CARS2: variants seen among roughly 807,000 people sequenced by gnomAD.
CARS2 encodes probable cysteine--tRNA ligase, mitochondrial.
In CARS2, 52 loss-of-function variants were observed where a neutral mutation model predicts 68.8. The ratio of observed to expected loss-of-function variants is 0.76; its 90% CI spans 0.61 to 0.95. The LOEUF (loss-of-function observed/expected upper bound fraction) is 0.95. Ranked by LOEUF, CARS2 falls within the 40% of genes least tolerant of loss-of-function variation. CARS2 has a pLI of 0.00. For synonymous variants in CARS2, 314 were observed against 303.6 expected (o/e 1.03, Z -0.36); for missense variants, 780 against 754.2 (o/e 1.03, Z -0.40).
At chr13:110,644,700 C>T (rs1234426182) in intron 12 of CARS2, 2 of 738,780 alleles carry the variant, frequency 2.7e-6, no homozygotes, top group East Asian at 6.3e-5. Flanking sequence ...TCAGTTTACC[C>T]ATCAGTCATG....
intron 2 of CARS2, among the ~76,000 whole-genome samples, chr13:110,701,913 G>A (rs2063798293): frequency 1.3e-5 from 2 of 152,156 alleles, no homozygotes; most frequent in South Asian, 4.1e-4. Flanking sequence ...TCATGTTCTA[G>A]AGTAATTCTA....
intron 6 of CARS2, among the ~76,000 whole-genome samples, chr13:110,679,567 A>AGAGAAAGAAAGAAAGAAAGAG (rs2063079162): frequency 6.5e-5 from 6 of 92,932 alleles, no homozygotes; most frequent in Admixed American, 1.4e-4. Flanking sequence ...GAAAGAAAGA[A>AGAGAAAGAAAGAAAGAAAGAG]AGAGAGAGAA....
intron 1 of CARS2, chr13:110,712,538 G>T (rs2064041791): frequency 3.2e-6 from 1 of 313,434 alleles, no homozygotes; most frequent in African/African-American, 2.2e-5. Context: ...GAAGGGGGGG[G>T]GCCGGCGCGC....
upstream of CARS2, chr13:110,707,781 T>C (rs1480851232): frequency 6.6e-6 from 1 of 152,222 alleles, no homozygotes; most frequent in Non-Finnish European, 1.5e-5. Flanking sequence ...TAGTTTGCTT[T>C]GGTGTTTTAT....
chr13:110,644,539 A>G, intron 12 of CARS2, 56 bp from the exon 13 acceptor site: 1 of 1,603,098 alleles, frequency 6.2e-7, no homozygotes, highest in Non-Finnish European at 8.5e-7. Flanking sequence ...GGCAGTGGGC[A>G]AACGGAATTC....
intron 3 of CARS2, chr13:110,697,999 A>G: frequency 2.2e-6 from 1 of 455,524 alleles, no homozygotes; most frequent in South Asian, 1.6e-5. Flanking sequence ...CTGTTCACTC[A>G]ACAAATGACA....
rs775669344 is a variant in CARS2 at position 110,680,157 on chromosome 13, G to T, written c.655+2894C>A. ...TACTTTGGGAGGCCGAGGGGGGGGGGGGGGGGGGTGGATCACCTGAGGTCA... is the reference window on the plus strand; with the variant it reads ...TACTTTGGGAGGCCGAGGGGGGGGGTGGGGGGGGTGGATCACCTGAGGTCA... On this transcript the variant is annotated intron_variant, in intron 6 of 14. Transcript: ENST00000257347. Among the ~76,000 whole-genome samples the T allele has an allele frequency of 4.5e-4, 68 of 150,658 alleles. 3 individuals carry two copies. The highest frequency in any genetic ancestry group is 1.3e-3 in the African/African-American group (53 of 40,918).
At chr13:110,699,543 A>G (rs2063722399) in intron 3 of CARS2, among the ~76,000 whole-genome samples, 1 of 152,238 alleles carries the variant, frequency 6.6e-6, no homozygotes, top group Non-Finnish European at 1.5e-5. Context: ...TTCCTTCATC[A>G]GATTCAGGAA....
At chr13:110,710,189 T>G (rs1005330336), upstream of CARS2, among the ~76,000 whole-genome samples, 2 of 152,134 alleles carry the variant, frequency 1.3e-5, no homozygotes, top group Non-Finnish European at 2.9e-5. Flanking sequence ...GAGACCAGCC[T>G]GGGCCAACAT....
chr13:110,673,973 G>T (rs1211208320), intron 7 of CARS2, among the ~76,000 whole-genome samples: 1 of 152,108 alleles, frequency 6.6e-6, no homozygotes, highest in East Asian at 1.9e-4. Context: ...GCTTCAAAGA[G>T]AATAAAATAC....
chr13:110,688,399 T>C (rs1215678552), intron 3 of CARS2, among the ~76,000 whole-genome samples: 2 of 152,140 alleles, frequency 1.3e-5, no homozygotes, highest in African/African-American at 2.4e-5. Context: ...CGAACAGCCA[T>C]GATCGTGCCA....
Position 110,668,839 on chromosome 13 carries a change from T to C in CARS2, c.786-1366A>G, listed in dbSNP as rs1323025501. ...AGAGAAGGCTCAGAAGGAACAACAA[T>C]AATGGTCTCTTCATTATTTAATCTT... On this transcript the variant is annotated intron_variant, in intron 7 of 14. Transcript: ENST00000257347. This position sits in a 1 kb window ranked among gnomAD's most constrained non-coding sequence, Gnocchi z 4.1. Among the ~76,000 whole-genome samples, 1 of 152,230 alleles carries C rather than the reference T, an allele frequency of 6.6e-6. No homozygotes were observed. Among genetic ancestry groups the C allele is most frequent in the East Asian group, 1.9e-4 (1 of 5,204 alleles).
chr13:110,672,357 C>T (rs1186883164), intron 7 of CARS2, among the ~76,000 whole-genome samples: 3 of 152,182 alleles, frequency 2.0e-5, no homozygotes, highest in African/African-American at 4.8e-5. Context: ...GAAATTGTAA[C>T]AAACTGTCTC....
At chr13:110,647,036 C>T in intron 11 of CARS2, 65 bp downstream of exon 11, 1 of 1,481,732 alleles carries the variant, frequency 6.7e-7, no homozygotes. Flanking sequence ...CCTTCAAGAG[C>T]CCACCAGCAG....
upstream of CARS2, among the ~76,000 whole-genome samples, chr13:110,706,841 A>G (rs2063971530): frequency 2.1e-5 from 3 of 143,276 alleles, no homozygotes; most frequent in African/African-American, 7.7e-5. Flanking sequence ...CTGCACCCCA[A>G]TAGTGTGCAC....
intron 9 of CARS2, 126 bp downstream of exon 9, chr13:110,663,325 G>C (rs934650175): frequency 2.1e-6 from 2 of 937,020 alleles, no homozygotes; most frequent in African/African-American, 1.7e-5. Flanking sequence ...GGCAGGTCTC[G>C]TCATAAGAAA....
Position 110,647,272 on chromosome 13 carries a change from C to G in CARS2, c.1055-33G>C, listed in dbSNP as rs554133911. The stretch of plus-strand genomic sequence containing the variant: ...GGAAGAGATGGTCACTGAGGCGGTG[C>G]CCACCATGCTGTGCCCCTGCCCTGG... On this transcript the variant is annotated intron_variant, in intron 10 of 14. Coordinates refer to ENST00000257347, the MANE Select transcript of CARS2 (RefSeq NM_024537.4). 1.9e-6 allele frequency: 3 copies of G among 1,600,036 alleles called. No homozygotes were observed. The African/African-American group carries it at 4.0e-5, about 21-fold the overall frequency.
chr13:110,666,390 CA>C (rs1295534209), intron 8 of CARS2: 6 of 985,266 alleles, frequency 6.1e-6, no homozygotes, highest in Admixed American at 6.1e-5. Flanking sequence ...GCCACGCAGC[CA>C]GCTTTGTTTC....
chr13:110,703,910 G>A (rs1175703399), intron 2 of CARS2, among the ~76,000 whole-genome samples: 9 of 152,210 alleles, frequency 5.9e-5, no homozygotes, highest in Admixed American at 5.9e-4. Flanking sequence ...GTTTTAGGAG[G>A]TGGAGCCTCT....
Sources: gnomAD v4.1 joint callset for allele counts (sites outside exome capture counted in the v4.1 genomes callset) on GRCh38, gnomAD v4.1.1 for gene constraint, Gnocchi (gnomAD v3.1) non-coding constraint, MANE v1.5 for transcripts, NCBI Gene and HGNC (gene_info 2026-07-23, HGNC 2026-07-21) for gene names.